ZC3H18: variants seen among roughly 807,000 people sequenced by gnomAD.
ZC3H18 encodes the protein zinc finger CCCH-type containing 18, also known as zinc finger CCCH domain-containing protein 18.
Under a neutral mutation model 106.1 loss-of-function variants are expected in ZC3H18, and 8 were observed. The ratio of observed to expected loss-of-function variants is 0.08; its 90% CI spans 0.04 to 0.14. The LOEUF (loss-of-function observed/expected upper bound fraction) is 0.14. ZC3H18 is among the 10% of genes least tolerant of loss of function. ZC3H18 has a pLI of 1.00. For synonymous variants in ZC3H18, 635 were observed against 522.1 expected (o/e 1.22, Z -2.95); for missense variants, 1,318 against 1,278.4 (o/e 1.03, Z -0.47).
Position 88,577,724 on chromosome 16 carries a change from G to C in ZC3H18, c.601G>C (p.Asp201His), listed in dbSNP as rs1410391308. ...DDGEIDDGEI[D>H]DDDLEEGEVK... ...TGGAGAAATCGATGATGGGGAAATA[G>C]ACGTGAGTATGATGGAGCAGAGCGT... The change falls in exon 2 of 18, where the codon GAC becomes CAC. Residue 201 changes from aspartate to histidine, a missense_variant and splice_region_variant. Asp to His is a moderately conservative substitution (Grantham distance 81). This residue lies in a region of ZC3H18 where 346 missense variants were observed against 269.0 expected (regional missense o/e 1.29). Coordinates refer to ENST00000301011, the MANE Select transcript of ZC3H18 (RefSeq NM_144604.4). The C allele has an allele frequency of 1.9e-6, 3 of 1,613,256 alleles. No homozygotes were observed. Among genetic ancestry groups the C allele is most frequent in the Non-Finnish European group, 2.5e-6 (3 of 1,180,040 alleles).
Position 88,631,069 on chromosome 16 carries a change from G to T in ZC3H18, c.2664-32G>T, listed in dbSNP as rs779030784. 1.9e-6 allele frequency: 3 copies of T among 1,609,680 alleles called. No individual in the cohort carries two copies. The Admixed American group carries it at 5.0e-5, about 27-fold the overall frequency. On this transcript the variant is annotated intron_variant, in intron 17 of 17. Transcript: ENST00000301011. ...CCTTCCACCTGCAGACGTGGCTTCT[G>T]GGGGCTCAAGGTCTTCCCCACCCCC...
rs538939505 is a variant in ZC3H18, at chr16:88,622,910, A to G, written c.1668-309A>G. 7.4e-4 allele frequency: 299 copies of G among 403,148 alleles called. 1 individual carries two copies. Among genetic ancestry groups the G allele is most frequent in the African/African-American group, 5.7e-3 (277 of 48,464 alleles). 25.0% of individuals were successfully genotyped at this position (403,148 alleles called of 1,614,324 possible). On this transcript the variant is annotated intron_variant, in intron 9 of 17. Coordinates refer to ENST00000301011, the MANE Select transcript of ZC3H18 (RefSeq NM_144604.4). Reference sequence around the variant, plus strand: ...AGTGGATGCAGATGAACAGATAGACACACACACGGACCCACGTGAGCTGGG... The same window carrying G: ...AGTGGATGCAGATGAACAGATAGACGCACACACGGACCCACGTGAGCTGGG...
Position 88,619,442 on chromosome 16 carries a change from G to A in ZC3H18, c.1476-2755G>A, listed in dbSNP as rs1380602457. ...GGTGCGGCCGGCGGCAGCGGAGGGC[G>A]CGCTGTGCAGTGACGAGATGGTGCA... On this transcript the variant is annotated intron_variant, in intron 8 of 17. Coordinates refer to ENST00000301011, the MANE Select transcript of ZC3H18 (RefSeq NM_144604.4). Among the ~76,000 whole-genome samples the A allele has an allele frequency of 5.9e-5, 9 of 152,276 alleles. No homozygotes were observed. In the South Asian group the frequency reaches 8.3e-4, roughly 14 times the overall value.
chr16:88,609,842 C>A (rs1160152089), intron 7 of ZC3H18, among the ~76,000 whole-genome samples: 1 of 152,190 alleles, frequency 6.6e-6, no homozygotes, highest in Admixed American at 6.5e-5. Flanking sequence ...CTCAGGTGAT[C>A]TGCCTATCTC....
intron 17 of ZC3H18, among the ~76,000 whole-genome samples, 176 bp downstream of exon 17, chr16:88,630,757 C>CCG (rs1906623586): frequency 1.3e-5 from 1 of 78,818 alleles, no homozygotes; most frequent in African/African-American, 4.7e-5. Context: ...CCACCCCCCA[C>CCG]CCCCCCCCAC....
At chr16:88,604,939 C>G (rs74033317) in intron 6 of ZC3H18, among the ~76,000 whole-genome samples, 14,498 of 152,200 alleles carry the variant, frequency 0.095, 848 homozygotes, top group Middle Eastern at 0.16. Flanking sequence ...CCATACGCCC[C>G]CAGCACAGAG....
At chr16:88,592,161 C>T (rs747016244) in intron 3 of ZC3H18, among the ~76,000 whole-genome samples, 2 of 152,204 alleles carry the variant, frequency 1.3e-5, no homozygotes, top group Non-Finnish European at 2.9e-5. Context: ...CTTCCAGTTT[C>T]TCCACGTCCT....
rs751929593 is a variant in ZC3H18 at position 88,577,195 on chromosome 16, G to A, written c.72G>A (p.Ser24=). Residue 24 remains serine (S), a synonymous_variant, in exon 2 of 18, where the codon TCG becomes TCA. Coordinates refer to ENST00000301011, the MANE Select transcript of ZC3H18 (RefSeq NM_144604.4). ...PEDEEQPQGL[S]DDDILRDSGS... ...ATGAAGAGCAGCCACAGGGACTCTCGGACGATGACATTCTGAGGGACAGCG... is the reference window on the plus strand; with the variant it reads ...ATGAAGAGCAGCCACAGGGACTCTCAGACGATGACATTCTGAGGGACAGCG... 21 of 1,611,244 alleles carry A rather than the reference G, an allele frequency of 1.3e-5. No homozygotes were observed. Among genetic ancestry groups the A allele is most frequent in the Middle Eastern group, 1.7e-4 (1 of 6,056 alleles).
chr16:88,630,160 A>G (rs1401133058), intron 16 of ZC3H18: 3 of 294,196 alleles, frequency 1.0e-5, no homozygotes, highest in East Asian at 7.0e-5. Flanking sequence ...CTTTACTGCC[A>G]TGTCTTTCTT....
At chr16:88,601,298 T>C (rs894209999) in intron 6 of ZC3H18, among the ~76,000 whole-genome samples, 4 of 152,252 alleles carry the variant, frequency 2.6e-5, no homozygotes, top group African/African-American at 4.8e-5. Flanking sequence ...GGGTGTCTCC[T>C]GAAGCCCTGG....
rs1281632677 is a variant in ZC3H18, at chr16:88,623,297, C to T, written c.1746C>T (p.Tyr582=). ...CCCGGTCTTCATCCTACAGCTCCTA[C>T]TCCAGCCGCTCTTCCAGACACAGCT... ...SRSRSSSYSS[Y]SSRSSRHSSF... Residue 582 remains tyrosine (Y), a synonymous_variant, in exon 10 of 18, where the codon TAC becomes TAT. Transcript: ENST00000301011. 1 of 1,613,802 alleles carries T rather than the reference C, an allele frequency of 6.2e-7. No individual in the cohort carries two copies. The highest frequency in any genetic ancestry group is 8.5e-7 in the Non-Finnish European group (1 of 1,179,974).
At position 88,577,424 on chromosome 16, in the gene ZC3H18, G is replaced by A. The variant is rs771206232; in HGVS notation, c.301G>A (p.Gly101Arg). 21 of 1,605,662 alleles carry A rather than the reference G, an allele frequency of 1.3e-5. No individual in the cohort carries two copies. Among genetic ancestry groups the A allele is most frequent in the Non-Finnish European group, 1.4e-5 (17 of 1,174,950 alleles). Residue 101 changes from glycine (G) to arginine (R), a missense_variant, in exon 2 of 18, where the codon GGG becomes AGG. Coordinates refer to ENST00000301011, the MANE Select transcript of ZC3H18 (RefSeq NM_144604.4). ...GACCAGCTCCCCCTGCGAGGAGGAG[G>A]GGGACGAAGGGGAGGAAGACCGGAC... Reference protein sequence around the residue: ...GPTSSPCEEEGDEGEEDRTSD... With the variant: ...GPTSSPCEEERDEGEEDRTSD...
chr16:88,575,459 G>T (rs910103154), intron 1 of ZC3H18, among the ~76,000 whole-genome samples: 2 of 151,950 alleles, frequency 1.3e-5, no homozygotes, highest in Non-Finnish European at 2.9e-5. Flanking sequence ...CGCTGACCTG[G>T]CACTGTCCCT....
intron 11 of ZC3H18, 190 bp from the exon 12 acceptor site, chr16:88,624,412 G>A (rs1906163616): frequency 8.9e-6 from 8 of 898,248 alleles, no homozygotes; most frequent in Non-Finnish European, 1.3e-5. Flanking sequence ...AGGGCTGCTG[G>A]GGGCTTTGAA....
At chr16:88,578,611 G>A (rs991371323) in intron 2 of ZC3H18, among the ~76,000 whole-genome samples, 7 of 152,084 alleles carry the variant, frequency 4.6e-5, no homozygotes, top group African/African-American at 9.7e-5. Flanking sequence ...TCTGCCGAGA[G>A]TATCTCTCTG....
chr16:88,612,862 G>C (rs1334181297), intron 8 of ZC3H18, among the ~76,000 whole-genome samples: 1 of 152,020 alleles, frequency 6.6e-6, no homozygotes, highest in East Asian at 1.9e-4. Flanking sequence ...TATTAGCAGG[G>C]CGTGGTAGTG....
rs1374359535 is a variant in ZC3H18 at position 88,622,388 on chromosome 16, G to T, written c.1667G>T (p.Arg556Met). 6.2e-7 allele frequency: 1 copy of T among 1,603,970 alleles called. No homozygotes were observed. The change falls in exon 9 of 18, where the codon AGG becomes ATG. Residue 556 changes from arginine (R) to methionine (M), a missense_variant and splice_region_variant. Physicochemically the swap from Arg to Met is moderately conservative, Grantham distance 91 (BLOSUM62 -1). This residue lies in a region of ZC3H18 where 848 missense variants were observed against 821.7 expected (regional missense o/e 1.03). Coordinates refer to ENST00000301011, the MANE Select transcript of ZC3H18 (RefSeq NM_144604.4). ...TCAGCCTCTGCCTCTAATTCCTCCA[G>T]GTAAGGAGGGCTCGTGGGACGGCTG... ...ASSASASNSS[R>M]SSSRSSSYSG...
chr16:88,573,955 C>T (rs1257244050), intron 1 of ZC3H18, among the ~76,000 whole-genome samples: 2 of 151,794 alleles, frequency 1.3e-5, no homozygotes, highest in African/African-American at 4.8e-5. Flanking sequence ...TCACTGCAAC[C>T]TCCGCCCCCC....
intron 16 of ZC3H18, 99 bp from the exon 17 acceptor site, chr16:88,630,386 C>T: frequency 2.3e-6 from 2 of 874,596 alleles, no homozygotes; most frequent in South Asian, 1.5e-5. Flanking sequence ...ACTAAGCAGC[C>T]TCAGGCTTTA....
Sources: gnomAD v4.1 joint callset for allele counts (sites outside exome capture counted in the v4.1 genomes callset) on GRCh38, gnomAD v4.1.1 for gene constraint, gnomAD v4.1.1 regional missense constraint, MANE v1.5 for transcripts, NCBI Gene and HGNC (gene_info 2026-07-23, HGNC 2026-07-21) for gene names.